PRKG1: variants seen among roughly 807,000 people sequenced by gnomAD.
The protein encoded by PRKG1 is cGMP-dependent protein kinase 1.
A neutral mutation model predicts 88.1 loss-of-function variants in PRKG1; 35 were observed. The observed-to-expected ratio is 0.40, with a 90% CI of 0.30 to 0.53. The LOEUF (loss-of-function observed/expected upper bound fraction) is 0.53. Among genes scored for constraint, PRKG1 ranks in the 20% least tolerant of loss-of-function variants. The pLI is 0.59. For synonymous variants in PRKG1, 303 were observed against 292.5 expected (o/e 1.04, Z -0.37); for missense variants, 540 against 839.8 (o/e 0.64, Z 4.41).
At chr10:51,380,171 A>G (rs1191178538) in intron 2 of PRKG1, among the ~76,000 whole-genome samples, 1 of 152,064 alleles carries the variant, frequency 6.6e-6, no homozygotes, top group Non-Finnish European at 1.5e-5. Context: ...ATTGACCTCT[A>G]TTTACAGACT....
At chr10:52,170,599 C>T (rs746870739) in intron 9 of PRKG1, among the ~76,000 whole-genome samples, 8 of 152,282 alleles carry the variant, frequency 5.3e-5, no homozygotes, top group Non-Finnish European at 8.8e-5. Flanking sequence ...GGAGTATTGC[C>T]TACCTGTGTA....
chr10:51,026,624 C>T (rs1450179358), intron 1 of PRKG1, among the ~76,000 whole-genome samples: 2 of 152,154 alleles, frequency 1.3e-5, no homozygotes, highest in Admixed American at 1.3e-4. Flanking sequence ...TGAGATGTGG[C>T]TTAAATTTTA....
At chr10:51,760,540 C>A (rs1325298216) in intron 3 of PRKG1, among the ~76,000 whole-genome samples, 3 of 149,348 alleles carry the variant, frequency 2.0e-5, no homozygotes, top group African/African-American at 7.4e-5. Context: ...GGCACTATCT[C>A]CGCTCACTAC....
chr10:51,848,851 A>ATTT (rs752886518), intron 4 of PRKG1, among the ~76,000 whole-genome samples: 6 of 131,444 alleles, frequency 4.6e-5, no homozygotes, highest in African/African-American at 1.6e-4. Flanking sequence ...TTGCGTTTCT[A>ATTT]TTTTTTTTTT....
intron 7 of PRKG1, among the ~76,000 whole-genome samples, chr10:52,104,395 A>G (rs1471083753): frequency 1.3e-5 from 2 of 152,134 alleles, no homozygotes; most frequent in Non-Finnish European, 2.9e-5. Context: ...TTACATTGAA[A>G]GATGATATCC....
intron 3 of PRKG1, among the ~76,000 whole-genome samples, chr10:51,665,296 C>T (rs979690344): frequency 1.3e-5 from 2 of 151,980 alleles, no homozygotes; most frequent in Non-Finnish European, 1.5e-5. Context: ...ACCTAATTTG[C>T]GGTATGAAAT....
chr10:51,698,795 G>A (rs1841379791), intron 3 of PRKG1: 2 of 1,614,194 alleles, frequency 1.2e-6, no homozygotes, highest in Non-Finnish European at 1.7e-6. Context: ...CTGCATCAGA[G>A]GAGGAATGTC....
intron 12 of PRKG1, 119 bp from the exon 13 acceptor site, chr10:52,280,670 G>T: frequency 9.5e-7 from 1 of 1,050,196 alleles, no homozygotes; most frequent in Non-Finnish European, 1.4e-6. Flanking sequence ...TAGCTAGCAG[G>T]ACAGTGATCT....
At chr10:51,792,653 C>T (rs1463104042) in intron 3 of PRKG1, among the ~76,000 whole-genome samples, 2 of 152,040 alleles carry the variant, frequency 1.3e-5, no homozygotes, top group Non-Finnish European at 2.9e-5. Flanking sequence ...TTTTTGGTGC[C>T]TATGGGTGTC....
At chr10:52,013,159 C>T (rs1844940616) in intron 5 of PRKG1, among the ~76,000 whole-genome samples, 1 of 151,722 alleles carries the variant, frequency 6.6e-6, no homozygotes, top group Non-Finnish European at 1.5e-5. Context: ...TGGCTCACGC[C>T]TGTAATCCCA....
intron 5 of PRKG1, among the ~76,000 whole-genome samples, chr10:51,978,436 C>CTTT (rs34946662): frequency 0.083 from 11,087 of 134,134 alleles, 1,297 homozygotes; most frequent in African/African-American, 0.26. Context: ...CATTCGGGCT[C>CTTT]TTTTTTTTTT....
chr10:51,464,120 GAA>G (rs59267184), intron 2 of PRKG1, among the ~76,000 whole-genome samples: 1 of 148,000 alleles, frequency 6.8e-6, no homozygotes, highest in Non-Finnish European at 1.5e-5. Flanking sequence ...AATACAAAAA[GAA>G]AAAAAAAAAT....
chr10:51,209,264 C>T (rs762839537), intron 2 of PRKG1, among the ~76,000 whole-genome samples: 8 of 152,050 alleles, frequency 5.3e-5, no homozygotes, highest in Non-Finnish European at 1.0e-4. Flanking sequence ...TAAGAGTGTA[C>T]AGATATTCAT....
At chr10:51,030,861 G>A (rs1035936380) in intron 1 of PRKG1, among the ~76,000 whole-genome samples, 1 of 152,142 alleles carries the variant, frequency 6.6e-6, no homozygotes, top group Non-Finnish European at 1.5e-5. Context: ...TGTACAGCCT[G>A]CAGAGCCATC....
intron 3 of PRKG1, among the ~76,000 whole-genome samples, chr10:51,499,209 G>T (rs73338086): frequency 0.02 from 3,038 of 152,274 alleles, 84 homozygotes; most frequent in African/African-American, 0.064. Flanking sequence ...AGGGGTCAGT[G>T]CTGTGGTCAA....
At chr10:51,902,567 A>T (rs887799172) in intron 4 of PRKG1, among the ~76,000 whole-genome samples, 1 of 152,184 alleles carries the variant, frequency 6.6e-6, no homozygotes, top group African/African-American at 2.4e-5. Context: ...TTGTTTTTCT[A>T]CTCAGGCACA....
chr10:51,639,069 T>C (rs1839728288), intron 3 of PRKG1, among the ~76,000 whole-genome samples: 1 of 151,980 alleles, frequency 6.6e-6, no homozygotes. Context: ...TTTCAGCAGT[T>C]TTAAAATAAT....
At chr10:51,199,146 A>C (rs561904983) in intron 2 of PRKG1, among the ~76,000 whole-genome samples, 1 of 152,360 alleles carries the variant, frequency 6.6e-6, no homozygotes, top group South Asian at 2.1e-4. Context: ...AGAACCAATT[A>C]GCCAAATGTC....
chr10:51,951,396 G>T (rs1218094492), intron 5 of PRKG1, among the ~76,000 whole-genome samples: 1 of 152,200 alleles, frequency 6.6e-6, no homozygotes, highest in African/African-American at 2.4e-5. Flanking sequence ...TTAGATGGTT[G>T]CCTGCCAGAT....
Sources: allele counts gnomAD v4.1 joint callset (sites outside exome capture counted in the v4.1 genomes callset), GRCh38; gene constraint gnomAD v4.1.1; transcripts MANE v1.5; gene names NCBI Gene and HGNC (gene_info 2026-07-23, HGNC 2026-07-21).